The following MROH9 variants were observed in gnomAD, a reference collection of about 807,000 sequenced individuals.
The protein encoded by MROH9 is maestro heat-like repeat-containing protein family member 9.
MROH9 carries 92 observed loss-of-function variants against 98.2 expected under a neutral mutation model. That is an observed-to-expected ratio of 0.94 (90% CI 0.79 to 1.11). The LOEUF (loss-of-function observed/expected upper bound fraction) is 1.11. Among genes scored for constraint, MROH9 ranks in the 50% most tolerant of loss-of-function variants. MROH9 has a pLI of 0.00. For missense variants in MROH9, 1,057 were observed against 1,014.8 expected (o/e 1.04, Z -0.57); for synonymous variants, 397 against 368.9 (o/e 1.08, Z -0.87).
chr1:171,043,888 A>G (rs1170093703), intron 20 of MROH9, among the ~76,000 whole-genome samples: 1 of 152,158 alleles, frequency 6.6e-6, no homozygotes, highest in Non-Finnish European at 1.5e-5. Flanking sequence ...AGGTTTTTCC[A>G]AATATAAGAT....
At chr1:171,038,191 A>C (rs990142751) in intron 20 of MROH9, among the ~76,000 whole-genome samples, 1 of 152,162 alleles carries the variant, frequency 6.6e-6, no homozygotes, top group African/African-American at 2.4e-5. Flanking sequence ...AAGAATCTTT[A>C]CTAACCCATG....
intron 15 of MROH9, among the ~76,000 whole-genome samples, chr1:171,009,399 A>G (rs1353621988): frequency 1.3e-5 from 2 of 152,200 alleles, no homozygotes; most frequent in Non-Finnish European, 2.9e-5. Context: ...AGAAATATTC[A>G]CTTTTACTCA....
Position 171,064,721 on chromosome 1 carries a change from T to A in MROH9, c.*381T>A, listed in dbSNP as rs57419787. ...TTAGGCAGTGGGGACATTTGGATGA[T>A]ATAGACAAGGTTCCTGATCTCAGGA... On this transcript the variant is annotated 3_prime_UTR_variant, in exon 22 of 22. Coordinates refer to ENST00000367759, the MANE Select transcript of MROH9 (RefSeq NM_001163629.2). 0.062 allele frequency: 10,275 copies of A among 164,612 alleles called. 1,159 individuals carry two copies. Among genetic ancestry groups the A allele is most frequent in the African/African-American group, 0.23 (9,724 of 41,670 alleles). 10.2% of individuals were successfully genotyped at this position (164,612 alleles called of 1,614,324 possible).
intron 1 of MROH9, among the ~76,000 whole-genome samples, chr1:170,944,868 G>A (rs1201881586): frequency 1.3e-5 from 2 of 152,006 alleles, no homozygotes; most frequent in African/African-American, 4.8e-5. Context: ...AAGGGTACGG[G>A]ATGAAGATCT....
Position 170,947,511 on chromosome 1 carries a change from C to T in MROH9, c.26-16C>T, listed in dbSNP as rs915825559. The T allele has an allele frequency of 2.5e-6, 4 of 1,608,492 alleles. No homozygotes were observed. The highest frequency in any genetic ancestry group is 2.2e-5 in the South Asian group (2 of 90,736). ...ATGTTCATTCCTTTTTAACGAATCT[C>T]CTTCTTTCTGGCTAGAGAGTAGTCT... On this transcript the variant is annotated splice_polypyrimidine_tract_variant and intron_variant, in intron 2 of 21. Transcript: ENST00000367759.
At chr1:171,018,757 T>C (rs920192544) in intron 17 of MROH9, among the ~76,000 whole-genome samples, 1 of 152,162 alleles carries the variant, frequency 6.6e-6, no homozygotes, top group African/African-American at 2.4e-5. Context: ...TTATGAAGCA[T>C]ACACAAGTAT....
chr1:171,055,828 T>G (rs570352944), intron 20 of MROH9, among the ~76,000 whole-genome samples: 1 of 152,140 alleles, frequency 6.6e-6, no homozygotes, highest in South Asian at 2.1e-4. Flanking sequence ...TCATCAGAAC[T>G]GACCAGGCAG....
At chr1:170,964,265 T>G (rs1211911244) in intron 6 of MROH9, among the ~76,000 whole-genome samples, 1 of 152,050 alleles carries the variant, frequency 6.6e-6, no homozygotes, top group South Asian at 2.1e-4. Flanking sequence ...GCCTGTTACT[T>G]AACCACTTTG....
chr1:171,010,417 A>G (rs1652109984), intron 15 of MROH9, among the ~76,000 whole-genome samples: 1 of 152,194 alleles, frequency 6.6e-6, no homozygotes, highest in Non-Finnish European at 1.5e-5. Flanking sequence ...GTGTCTTTAG[A>G]GTAGAATGAC....
At chr1:171,054,952 T>C (rs1342919226) in intron 20 of MROH9, among the ~76,000 whole-genome samples, 1 of 151,890 alleles carries the variant, frequency 6.6e-6, no homozygotes, top group Non-Finnish European at 1.5e-5. Context: ...TGGAGAGTCC[T>C]TAAACAACTA....
intron 20 of MROH9, among the ~76,000 whole-genome samples, chr1:171,029,278 T>C (rs1422600633): frequency 6.6e-6 from 1 of 151,988 alleles, no homozygotes; most frequent in East Asian, 1.9e-4. Flanking sequence ...TGGCACAATC[T>C]CGGCTCACTG....
chr1:171,042,605 A>G (rs775301915), intron 20 of MROH9, among the ~76,000 whole-genome samples: 52 of 152,178 alleles, frequency 3.4e-4, no homozygotes, highest in Non-Finnish European at 6.9e-4. Flanking sequence ...GTTCTCACCA[A>G]CAGTGTAGAG....
At chr1:170,993,493 A>G (rs79461732) in intron 12 of MROH9, among the ~76,000 whole-genome samples, 1,867 of 152,330 alleles carry the variant, frequency 0.012, 24 homozygotes, top group Non-Finnish European at 0.021. Flanking sequence ...GTTGCTGTTC[A>G]ACCATCAGTA....
At position 170,995,476 on chromosome 1, in the gene MROH9, A is replaced by G. The variant is rs755208449; in HGVS notation, c.1282A>G (p.Met428Val). 1.5e-5 allele frequency: 24 copies of G among 1,613,224 alleles called. No individual in the cohort carries two copies. In the Admixed American group the frequency reaches 3.7e-4, roughly 25 times the overall value. The change falls in exon 13 of 22, where the codon ATG becomes GTG. Residue 428 changes from methionine (M) to valine (V), a missense_variant. By Grantham distance (21) the Met-to-Val change is conservative. Transcript: ENST00000367759. ...QYFPQLLTTL[M>V]FQVFYNSELK... ...TTTCCCCCAGCTCTTGACGACTCTT[A>G]TGTTCCAAGTCTTCTACAACAGTGA...
chr1:171,052,295 G>A lies in MROH9; in HGVS notation c.2282-9837G>A, dbSNP rs368063323. ...CTCTTATTTGAGTCTCAGAGTTGGG[G>A]ACCAAGCTGGGTGAAGCCAGGCCAG... On this transcript the variant is annotated intron_variant, in intron 20 of 21. Coordinates refer to ENST00000367759, the MANE Select transcript of MROH9 (RefSeq NM_001163629.2). Among the ~76,000 whole-genome samples the A allele has an allele frequency of 1.1e-4, 17 of 152,254 alleles. No homozygotes were observed. The South Asian group carries it at 1.5e-3, about 13-fold the overall frequency.
At position 171,014,147 on chromosome 1, in the gene MROH9, C is replaced by A. The variant is rs1388589038; in HGVS notation, c.1627C>A (p.Pro543Thr). ...LLNNFFKDPL[P>T]EEFLVLFINW... Reference sequence around the variant, plus strand: ...GAATAACTTCTTCAAGGACCCTTTACCAGAAGAATTTTTGGTCCTCTTCAT... The same window carrying A: ...GAATAACTTCTTCAAGGACCCTTTAACAGAAGAATTTTTGGTCCTCTTCAT... Residue 543 changes from proline (P) to threonine (T), a missense_variant, in exon 16 of 22, where the codon CCA becomes ACA. Coordinates refer to ENST00000367759, the MANE Select transcript of MROH9 (RefSeq NM_001163629.2). 6.4e-7 allele frequency: 1 copy of A among 1,550,954 alleles called. No individual in the cohort carries two copies.
Position 171,014,296 on chromosome 1 carries a change from A to T in MROH9, c.1734+42A>T, listed in dbSNP as rs781467323. 17 of 1,514,520 alleles carry T rather than the reference A, an allele frequency of 1.1e-5. No individual in the cohort carries two copies. In the South Asian group the frequency reaches 2.1e-4, roughly 19 times the overall value. 93.8% of individuals were successfully genotyped at this position (1,514,520 alleles called of 1,614,324 possible). A position where few individuals can be genotyped will look rare whatever the true frequency, so the allele number is the denominator to read the frequency against. On this transcript the variant is annotated intron_variant, in intron 16 of 21. Transcript: ENST00000367759. ...TGTGTCTGCAAGCATCATCTAAATC[A>T]TAATCTGAGATTTTGATGTCACTTA...
At chr1:170,938,802 G>A (rs6695571) in intron 1 of MROH9, among the ~76,000 whole-genome samples, 8 of 152,092 alleles carry the variant, frequency 5.3e-5, no homozygotes, top group African/African-American at 1.9e-4. Context: ...ATGTAGTCAA[G>A]CTGCCACCAG....
At chr1:171,029,153 T>G (rs141383604) in intron 20 of MROH9, among the ~76,000 whole-genome samples, 1 of 152,158 alleles carries the variant, frequency 6.6e-6, no homozygotes, top group South Asian at 2.1e-4. Context: ...ATATTGGCTG[T>G]GGGTTTGTCT....
Sources: gnomAD v4.1 joint callset for allele counts (sites outside exome capture counted in the v4.1 genomes callset) on GRCh38, gnomAD v4.1.1 for gene constraint, MANE v1.5 for transcripts, NCBI Gene and HGNC (gene_info 2026-07-23, HGNC 2026-07-21) for gene names.